Variants in NRG1 observed in about 807,000 individuals in gnomAD.
The protein encoded by NRG1 is pro-neuregulin-1, membrane-bound isoform.
In NRG1, 18 loss-of-function variants were observed where a neutral mutation model predicts 63.8. The ratio of observed to expected loss-of-function variants is 0.28; its 90% CI spans 0.19 to 0.42. The LOEUF (loss-of-function observed/expected upper bound fraction) is 0.42, where lower values mean the gene tolerates loss of function less well. NRG1 is among the 10% of genes least tolerant of loss of function. The pLI is 1.00. For missense variants in NRG1, 762 were observed against 814.7 expected (o/e 0.94, Z 0.79); for synonymous variants, 302 against 301.3 (o/e 1.00, Z -0.02).
At chr8:32,178,147 G>A (rs1257628262) in intron 1 of NRG1, among the ~76,000 whole-genome samples, 1 of 152,070 alleles carries the variant, frequency 6.6e-6, no homozygotes, top group Non-Finnish European at 1.5e-5. Flanking sequence ...CATGTCAGCA[G>A]GGTCAAAATA....
At chr8:32,431,433 G>A (rs994351382) in intron 1 of NRG1, among the ~76,000 whole-genome samples, 7 of 152,056 alleles carry the variant, frequency 4.6e-5, no homozygotes, top group African/African-American at 1.7e-4. Flanking sequence ...GCCTCCCAGG[G>A]ACACTCACTC....
At chr8:31,917,540 G>C (rs997293672) in intron 1 of NRG1, among the ~76,000 whole-genome samples, 8 of 151,744 alleles carry the variant, frequency 5.3e-5, no homozygotes, top group South Asian at 2.1e-4. Flanking sequence ...ATTTCTGAGG[G>C]CTCTGTTCTG....
chr8:32,753,878 C>T (rs1282523641), intron 7 of NRG1, among the ~76,000 whole-genome samples: 1 of 151,792 alleles, frequency 6.6e-6, no homozygotes, highest in East Asian at 1.9e-4. Context: ...CTGGGAAATA[C>T]AAAAAGGCCA....
chr8:32,592,443 T>C (rs952685541), intron 1 of NRG1, among the ~76,000 whole-genome samples: 3 of 152,186 alleles, frequency 2.0e-5, no homozygotes, highest in African/African-American at 7.2e-5. Flanking sequence ...AGATCACATT[T>C]ACAGTCTTCT....
rs188357027 is a variant in NRG1, at chr8:32,411,532, A to G, written c.38-184296A>G. On this transcript the variant is annotated intron_variant, in intron 1 of 10. Transcript: ENST00000519301. ...TGCAAGCTCTAAAATAAAGGAAAGG[A>G]ATATTCTTTATCAGTCATCAGCTTA... is the stretch of plus-strand genomic sequence containing the variant. Among the ~76,000 whole-genome samples, 311 of 152,320 alleles carry G rather than the reference A, an allele frequency of 2.0e-3. 5 individuals are homozygous for G. Among genetic ancestry groups the G allele is most frequent in the Non-Finnish European group, 6.2e-4 (42 of 68,030 alleles).
At chr8:32,531,640 A>C (rs543613901) in intron 1 of NRG1, among the ~76,000 whole-genome samples, 43 of 152,312 alleles carry the variant, frequency 2.8e-4, no homozygotes, top group African/African-American at 9.1e-4. Context: ...AACTTTTGCA[A>C]CTTACGAAAT....
At chr8:32,702,224 C>T (rs1815088221) in intron 5 of NRG1, among the ~76,000 whole-genome samples, 1 of 152,172 alleles carries the variant, frequency 6.6e-6, no homozygotes, top group Admixed American at 6.5e-5. Flanking sequence ...AGACTGCCCA[C>T]ATCTAAAAAA....
intron 5 of NRG1, among the ~76,000 whole-genome samples, chr8:32,694,095 G>T (rs1812604841): frequency 1.3e-5 from 2 of 152,142 alleles, no homozygotes; most frequent in African/African-American, 4.8e-5. Flanking sequence ...ATCCTACCAG[G>T]TAGAGACTAG....
At chr8:31,964,771 G>T (rs2129626954) in intron 1 of NRG1, among the ~76,000 whole-genome samples, 1 of 152,292 alleles carries the variant, frequency 6.6e-6, no homozygotes, top group South Asian at 2.1e-4. Context: ...TTCCCTGCAA[G>T]CTACGAGTTC....
intron 1 of NRG1, among the ~76,000 whole-genome samples, chr8:31,696,576 A>G (rs1402896966): frequency 6.6e-6 from 1 of 152,204 alleles, no homozygotes; most frequent in Non-Finnish European, 1.5e-5. Flanking sequence ...GATGGACCTG[A>G]TGTGTCTTGG....
chr8:32,536,420 G>C (rs1831973284), intron 1 of NRG1, among the ~76,000 whole-genome samples: 1 of 152,116 alleles, frequency 6.6e-6, no homozygotes. Context: ...TTCTCTTCAG[G>C]AAAGGTTCAC....
intron 1 of NRG1, among the ~76,000 whole-genome samples, chr8:32,206,443 C>G (rs1001808891): frequency 6.6e-6 from 1 of 152,162 alleles, no homozygotes; most frequent in Non-Finnish European, 1.5e-5. Flanking sequence ...CCAAATACCT[C>G]TATAAATTCT....
intron 1 of NRG1, among the ~76,000 whole-genome samples, chr8:32,277,213 G>A (rs941467715): frequency 7.9e-5 from 12 of 152,042 alleles, no homozygotes; most frequent in African/African-American, 2.2e-4. Context: ...ACTTGAGCTC[G>A]CATTACAAAA....
intron 1 of NRG1, among the ~76,000 whole-genome samples, chr8:31,883,116 T>C (rs1830474431): frequency 6.6e-6 from 1 of 152,184 alleles, no homozygotes; most frequent in South Asian, 2.1e-4. Flanking sequence ...AATTTCATTG[T>C]TGTCTTTAAA....
At chr8:31,921,368 C>G (rs1833900099) in intron 1 of NRG1, among the ~76,000 whole-genome samples, 1 of 152,088 alleles carries the variant, frequency 6.6e-6, no homozygotes, top group Non-Finnish European at 1.5e-5. Context: ...GCGCTACAGC[C>G]TGTAGGATGC....
At chr8:31,794,929 A>G (rs969903830) in intron 1 of NRG1, among the ~76,000 whole-genome samples, 2 of 152,074 alleles carry the variant, frequency 1.3e-5, no homozygotes, top group African/African-American at 2.4e-5. Context: ...CAGCCTCTCA[A>G]GTAGCTGAGA....
intron 1 of NRG1, among the ~76,000 whole-genome samples, chr8:31,681,208 A>G (rs1198671376): frequency 3.3e-5 from 5 of 152,258 alleles, no homozygotes; most frequent in East Asian, 1.9e-4. Context: ...AAAAATATAT[A>G]TAAGAAGATA....
At chr8:32,107,825 A>G (rs914740972) in intron 1 of NRG1, among the ~76,000 whole-genome samples, 1 of 152,160 alleles carries the variant, frequency 6.6e-6, no homozygotes, top group Non-Finnish European at 1.5e-5. Context: ...TCTTTTTCCT[A>G]TAAAGACAAC....
At chr8:32,340,081 T>C (rs1298269715) in intron 1 of NRG1, among the ~76,000 whole-genome samples, 2 of 152,144 alleles carry the variant, frequency 1.3e-5, no homozygotes, top group Non-Finnish European at 2.9e-5. Context: ...GAACTAGATA[T>C]GTGATGGATA....
Sources: allele counts gnomAD v4.1 joint callset (sites outside exome capture counted in the v4.1 genomes callset), GRCh38; gene constraint gnomAD v4.1.1; transcripts MANE v1.5; gene names NCBI Gene and HGNC (gene_info 2026-07-23, HGNC 2026-07-21).